The following DGKG variants were observed in gnomAD, a reference collection of about 807,000 sequenced individuals.
The protein encoded by DGKG is diacylglycerol kinase gamma.
A neutral mutation model predicts 105.3 loss-of-function variants in DGKG; 78 were observed. The observed-to-expected ratio is 0.74, with a 90% CI of 0.62 to 0.89. The LOEUF is 0.89. Ranked by LOEUF, DGKG falls within the 40% of genes least tolerant of loss-of-function variation. The pLI is 0.00. For missense variants in DGKG, 958 were observed against 1,020.1 expected, an observed-to-expected ratio of 0.94 and a Z score of 0.83; for synonymous variants, 346 against 367.1, an observed-to-expected ratio of 0.94 and a Z score of 0.66.
intron 20 of DGKG, among the ~76,000 whole-genome samples, chr3:186,219,840 T>C (rs1719477176): frequency 6.6e-6 from 1 of 152,214 alleles, no homozygotes; most frequent in Non-Finnish European, 1.5e-5. Flanking sequence ...AGACACTTCT[T>C]GAGTCATTTC....
intron 20 of DGKG, among the ~76,000 whole-genome samples, chr3:186,213,491 A>G (rs1482536697): frequency 6.6e-6 from 1 of 152,254 alleles, no homozygotes; most frequent in Admixed American, 6.5e-5. Context: ...TCATGTGCAT[A>G]TCTAATCACT....
chr3:186,258,216 C>T (rs750222542), intron 16 of DGKG, among the ~76,000 whole-genome samples: 7 of 152,194 alleles, frequency 4.6e-5, no homozygotes, highest in East Asian at 1.9e-4. Context: ...GTACTAGTTA[C>T]GCAGAGGAGT....
intron 1 of DGKG, among the ~76,000 whole-genome samples, chr3:186,324,202 T>C (rs186047449): frequency 2.6e-5 from 4 of 151,764 alleles, no homozygotes; most frequent in African/African-American, 7.3e-5. Flanking sequence ...ATAGGCACAC[T>C]GCATGACAGA....
chr3:186,211,356 G>C (rs1719028994), intron 21 of DGKG, among the ~76,000 whole-genome samples: 1 of 152,230 alleles, frequency 6.6e-6, no homozygotes, highest in Admixed American at 6.5e-5. Context: ...AGGCAGGTCA[G>C]CTGGGGGATG....
intron 22 of DGKG, among the ~76,000 whole-genome samples, chr3:186,168,277 A>G (rs1716651826): frequency 6.6e-6 from 1 of 152,230 alleles, no homozygotes. Flanking sequence ...AGCTTGTCAC[A>G]TCCATAGAGC....
Position 186,288,698 on chromosome 3 carries a change from G to T in DGKG, c.544+12C>A, listed in dbSNP as rs79635827. The T allele has an allele frequency of 0.017, 27,235 of 1,613,592 alleles. 261 individuals carry two copies. The highest frequency in any genetic ancestry group is 0.02 in the Non-Finnish European group (23,147 of 1,179,672). On this transcript the variant is annotated intron_variant, in intron 6 of 24. Coordinates refer to ENST00000265022, the MANE Select transcript of DGKG (RefSeq NM_001346.3). ...GAAAAAGCTGAAGCCCCTTGACAGG[G>T]TGAGCACTTACACTCCAGCTTATCC...
Position 186,149,457 on chromosome 3 carries a change from G to A in DGKG, c.*633C>T, listed in dbSNP as rs1715653272. ...TGGAAAATAACAAGTGCCCACCGAC[G>A]GCGCAGAAACCCAAGAATGGAAATA... On this transcript the variant is annotated 3_prime_UTR_variant, in exon 25 of 25. Coordinates refer to ENST00000265022, the MANE Select transcript of DGKG (RefSeq NM_001346.3). 1.0e-6 allele frequency: 1 copy of A among 985,418 alleles called. No homozygotes were observed. Among genetic ancestry groups the A allele is most frequent in the Non-Finnish European group, 1.2e-6 (1 of 829,946 alleles). 61.0% of individuals were successfully genotyped at this position (985,418 alleles called of 1,614,324 possible). A position where few individuals can be genotyped will look rare whatever the true frequency, so the allele number is the denominator to read the frequency against.
chr3:186,238,292 T>TAAA (rs5855085), intron 20 of DGKG, among the ~76,000 whole-genome samples: 130 of 81,084 alleles, frequency 1.6e-3, no homozygotes, highest in African/African-American at 5.7e-3. Context: ...TGACTCTTTC[T>TAAA]AAAAAAAAAA....
chr3:186,167,589 G>A (rs561561195), intron 22 of DGKG, among the ~76,000 whole-genome samples: 78 of 152,280 alleles, frequency 5.1e-4, no homozygotes, highest in Middle Eastern at 3.4e-3. Flanking sequence ...GGCACACAGA[G>A]GAATTAATGT....
rs746957111 is a variant in DGKG, at chr3:186,279,882, G to T, written c.761C>A (p.Pro254Gln). 1 of 1,613,814 alleles carries T rather than the reference G, an allele frequency of 6.2e-7. No homozygotes were observed. Among genetic ancestry groups the T allele is most frequent in the Non-Finnish European group, 8.5e-7 (1 of 1,179,854 alleles). Residue 254 changes from proline to glutamine, a missense_variant, in exon 9 of 25, where the codon CCA (proline) becomes CAA (glutamine). Physicochemically the swap from Pro to Gln is moderately conservative, Grantham distance 76. Coordinates refer to ENST00000265022, the MANE Select transcript of DGKG (RefSeq NM_001346.3). ...EWVHGGMTTI[P>Q]LLVLLGMDDS... ...ATCCATCCCCAGGAGGACCAGCAATGGGATGGTGGTCATCCCTCCATGGAC... is the reference window on the plus strand; with the variant it reads ...ATCCATCCCCAGGAGGACCAGCAATTGGATGGTGGTCATCCCTCCATGGAC...
intron 7 of DGKG, 58 bp from the exon 8 acceptor site, chr3:186,280,802 A>C: frequency 6.8e-7 from 1 of 1,479,806 alleles, no homozygotes; most frequent in Non-Finnish European, 9.4e-7. Flanking sequence ...TGTGTCATTA[A>C]GAGCCGAACT....
chr3:186,184,476 T>G (rs1717521947), intron 22 of DGKG, among the ~76,000 whole-genome samples: 1 of 150,398 alleles, frequency 6.6e-6, no homozygotes, highest in Non-Finnish European at 1.5e-5. Flanking sequence ...CTCAGCTCAC[T>G]GCAACCTCCG....
chr3:186,295,638 TA>T (rs34829528), intron 5 of DGKG, among the ~76,000 whole-genome samples: 183 of 84,506 alleles, frequency 2.2e-3, no homozygotes, highest in East Asian at 0.017. Context: ...TAATGCACAG[TA>T]AAAAAAAAAA....
intron 14 of DGKG, among the ~76,000 whole-genome samples, chr3:186,262,761 C>G (rs527402884): frequency 3.9e-5 from 6 of 152,322 alleles, no homozygotes; most frequent in Admixed American, 2.6e-4. Flanking sequence ...CATTCCCACC[C>G]ATGGGTCTGC....
chr3:186,302,532 A>G (rs1175112678), intron 3 of DGKG, among the ~76,000 whole-genome samples: 1 of 48,378 alleles, frequency 2.1e-5, no homozygotes, highest in Non-Finnish European at 3.8e-5. Context: ...ATATATATAT[A>G]CATATGTATA....
At chr3:186,184,265 A>G (rs751486273) in intron 22 of DGKG, among the ~76,000 whole-genome samples, 8 of 152,188 alleles carry the variant, frequency 5.3e-5, no homozygotes, top group Non-Finnish European at 7.3e-5. Flanking sequence ...CCCAAGATCT[A>G]TAAAACTAGA....
intron 17 of DGKG, among the ~76,000 whole-genome samples, chr3:186,256,816 C>T (rs1030886066): frequency 6.6e-6 from 1 of 152,262 alleles, no homozygotes; most frequent in African/African-American, 2.4e-5. Context: ...ATCCACTTGA[C>T]TCACCCCTCC....
At chr3:186,305,523 T>G (rs114718328) in intron 3 of DGKG, among the ~76,000 whole-genome samples, 1,649 of 152,228 alleles carry the variant, frequency 0.011, 31 homozygotes, top group African/African-American at 0.037. Context: ...GAGTAGGGAT[T>G]GGGGGAACCA....
intron 1 of DGKG, among the ~76,000 whole-genome samples, chr3:186,351,605 G>A (rs571960935): frequency 5.4e-4 from 83 of 152,352 alleles, no homozygotes; most frequent in African/African-American, 1.7e-3. Context: ...ACTAACCAAG[G>A]TTCACCAAGA....
Sources: gnomAD v4.1 joint callset for allele counts (sites outside exome capture counted in the v4.1 genomes callset) on GRCh38, gnomAD v4.1.1 for gene constraint, MANE v1.5 for transcripts, NCBI Gene and HGNC (gene_info 2026-07-23, HGNC 2026-07-21) for gene names.